The following SERGEF variants were observed in gnomAD, a reference collection of about 807,000 sequenced individuals.
SERGEF encodes secretion-regulating guanine nucleotide exchange factor.
In SERGEF, 51 loss-of-function variants were observed where a neutral mutation model predicts 50.0. The ratio of observed to expected loss-of-function variants is 1.02; its 90% confidence interval spans 0.81 to 1.29. The LOEUF (loss-of-function observed/expected upper bound fraction) is 1.29. Among genes scored for constraint, SERGEF ranks in the 50% most tolerant of loss-of-function variants. The probability of loss-of-function intolerance (pLI) is 0.00; values close to 1 mark genes in which losing one functional copy is unlikely to be tolerated. For synonymous variants in SERGEF, 205 were observed against 212.4 expected (o/e 0.97, Z 0.30); for missense variants, 521 against 557.0 (o/e 0.94, Z 0.65).
chr11:17,879,143 A>C (rs1234044284), intron 9 of SERGEF, among the ~76,000 whole-genome samples: 1 of 152,246 alleles, frequency 6.6e-6, no homozygotes, highest in Non-Finnish European at 1.5e-5. Flanking sequence ...AAGTACATAA[A>C]AGAACAAATA....
intron 2 of SERGEF, among the ~76,000 whole-genome samples, chr11:18,007,242 G>A (rs1422001720): frequency 3.9e-5 from 6 of 152,142 alleles, no homozygotes; most frequent in Non-Finnish European, 8.8e-5. Context: ...TACCAACACA[G>A]TTGTAAAATA....
At chr11:17,995,088 CAGAG>C (rs1357797191) in intron 6 of SERGEF, among the ~76,000 whole-genome samples, 1 of 151,302 alleles carries the variant, frequency 6.6e-6, no homozygotes, top group Non-Finnish European at 1.5e-5. Context: ...ACAAGGAGAG[CAGAG>C]AGAGAGAAAG....
At chr11:17,973,000 C>CAA (rs56851705) in intron 8 of SERGEF, among the ~76,000 whole-genome samples, 11 of 139,128 alleles carry the variant, frequency 7.9e-5, no homozygotes, top group East Asian at 2.1e-4. Flanking sequence ...TGTGAAGTTA[C>CAA]AAAAAAAAAA....
In SERGEF at chr11:17,909,675, G is replaced by C. The variant is rs143657982; in HGVS notation, c.1012-31431C>G. Among the ~76,000 whole-genome samples the C allele has an allele frequency of 2.2e-4, 34 of 152,334 alleles. No homozygotes were observed. In the East Asian group the frequency reaches 4.0e-3, roughly 18 times the overall value. On this transcript the variant is annotated intron_variant, in intron 9 of 10. Coordinates refer to ENST00000265965, the MANE Select transcript of SERGEF (RefSeq NM_012139.4). The stretch of plus-strand genomic sequence containing the variant: ...ACCAGAACTACATTTGTGCAGAGTG[G>C]AGTGGCAGAAGTGTCACCTGAATAG...
chr11:17,795,626 G>A (rs1302377210), intron 10 of SERGEF, among the ~76,000 whole-genome samples: 2 of 152,188 alleles, frequency 1.3e-5, no homozygotes, highest in Non-Finnish European at 2.9e-5. Context: ...AGCCCCACAG[G>A]CTTGCTGTCG....
chr11:17,987,801 T>G (rs1458675488), intron 8 of SERGEF, among the ~76,000 whole-genome samples: 2 of 152,170 alleles, frequency 1.3e-5, no homozygotes, highest in Non-Finnish European at 2.9e-5. Context: ...GAGATGTGTG[T>G]GTAGCTAGCA....
intron 8 of SERGEF, among the ~76,000 whole-genome samples, chr11:17,965,228 G>C (rs1853094237): frequency 6.6e-6 from 1 of 152,166 alleles, no homozygotes; most frequent in African/African-American, 2.4e-5. Flanking sequence ...GTAAGTGTCT[G>C]GCATTTCCCC....
chr11:17,821,509 C>T (rs559300749), intron 10 of SERGEF, among the ~76,000 whole-genome samples: 3 of 152,256 alleles, frequency 2.0e-5, no homozygotes, highest in Admixed American at 1.3e-4. Flanking sequence ...GTGCTCCATA[C>T]ATTTTTTTAA....
chr11:17,957,206 T>TA (rs1852894200), intron 9 of SERGEF, among the ~76,000 whole-genome samples: 1 of 152,180 alleles, frequency 6.6e-6, no homozygotes, highest in African/African-American at 2.4e-5. Flanking sequence ...GTCAGGCTCT[T>TA]AGACTAAATT....
intron 10 of SERGEF, among the ~76,000 whole-genome samples, chr11:17,865,312 T>C (rs1357097122): frequency 6.6e-6 from 1 of 152,236 alleles, no homozygotes; most frequent in Non-Finnish European, 1.5e-5. Flanking sequence ...ACTTGATAAA[T>C]AAATGACTAT....
Position 17,860,903 on chromosome 11 carries a change from G to A in SERGEF, c.1048+17305C>T, listed in dbSNP as rs138814877. Among the ~76,000 whole-genome samples the A allele has an allele frequency of 1.1e-4, 16 of 152,308 alleles. No homozygotes were observed. The East Asian group carries it at 3.1e-3, about 29-fold the overall frequency. ...GAGTCCGGCACTTGGCATACAGTAA[G>A]TTCCCTGAGGAGCAAGAAGGGATCA... On this transcript the variant is annotated intron_variant, in intron 10 of 10. Transcript: ENST00000265965.
chr11:17,979,690 T>C (rs74516653), intron 8 of SERGEF, among the ~76,000 whole-genome samples: 2,029 of 152,300 alleles, frequency 0.013, 58 homozygotes, highest in African/African-American at 0.047. Context: ...ATCATACCCT[T>C]GGCTCTGTCT....
chr11:17,795,139 T>G lies in SERGEF; in HGVS notation c.1049-6726A>C, dbSNP rs1368559130. ...AGGCTGACGGAGAGGAGGGGTGAGGTTTGAGCGCCCTCATAGAGAGGAGGG... is the reference window on the plus strand; with the variant it reads ...AGGCTGACGGAGAGGAGGGGTGAGGGTTGAGCGCCCTCATAGAGAGGAGGG... On this transcript the variant is annotated intron_variant, in intron 10 of 10. Coordinates refer to ENST00000265965, the MANE Select transcript of SERGEF (RefSeq NM_012139.4). Among the ~76,000 whole-genome samples, 9 of 152,194 alleles carry G rather than the reference T, an allele frequency of 5.9e-5. No homozygotes were observed. The East Asian group carries it at 1.7e-3, about 29-fold the overall frequency.
At chr11:17,906,900 G>A (rs1405098991) in intron 9 of SERGEF, among the ~76,000 whole-genome samples, 2 of 151,694 alleles carry the variant, frequency 1.3e-5, no homozygotes, top group Admixed American at 1.3e-4. Flanking sequence ...GAATGTGGTT[G>A]TAATATATTT....
intron 10 of SERGEF, among the ~76,000 whole-genome samples, chr11:17,870,204 G>A (rs1441079130): frequency 6.6e-6 from 1 of 152,160 alleles, no homozygotes; most frequent in Non-Finnish European, 1.5e-5. Flanking sequence ...CAGCCACACT[G>A]AACTGTGAGT....
chr11:17,838,857 TA>T (rs1850451366), intron 10 of SERGEF, among the ~76,000 whole-genome samples: 1 of 152,200 alleles, frequency 6.6e-6, no homozygotes, highest in Non-Finnish European at 1.5e-5. Context: ...TGGTGGGATG[TA>T]AATGCTGGAT....
intron 9 of SERGEF, among the ~76,000 whole-genome samples, chr11:17,925,731 T>C (rs1428809234): frequency 6.6e-6 from 1 of 152,186 alleles, no homozygotes; most frequent in African/African-American, 2.4e-5. Flanking sequence ...ATCTGTTTAA[T>C]AGATACCAAA....
At chr11:18,000,444 A>G (rs1410684175) in intron 5 of SERGEF, 53 bp downstream of exon 5, 36 of 1,232,672 alleles carry the variant, frequency 2.9e-5, no homozygotes, top group Non-Finnish European at 3.5e-5. Context: ...GTGAGACCCC[A>G]TCTCTAAAAA....
chr11:17,933,903 G>C (rs890159646), intron 9 of SERGEF, among the ~76,000 whole-genome samples: 1 of 152,060 alleles, frequency 6.6e-6, no homozygotes, highest in African/African-American at 2.4e-5. Context: ...GAGAGGCCCA[G>C]TCAGTTGGGT....
Sources: gnomAD v4.1 joint callset for allele counts (sites outside exome capture counted in the v4.1 genomes callset) on GRCh38, gnomAD v4.1.1 for gene constraint, MANE v1.5 for transcripts, NCBI Gene and HGNC (gene_info 2026-07-23, HGNC 2026-07-21) for gene names.